LTBP1: variants seen among roughly 807,000 people sequenced by gnomAD.
LTBP1 encodes the protein latent-transforming growth factor beta-binding protein 1.
LTBP1 carries 129 observed loss-of-function variants against 207.6 expected under a neutral mutation model. That is an observed-to-expected ratio of 0.62 (90% CI 0.54 to 0.72). The LOEUF (loss-of-function observed/expected upper bound fraction) is 0.72, where lower values mean the gene tolerates loss of function less well. Among genes scored for constraint, LTBP1 ranks in the 30% least tolerant of loss-of-function variants. LTBP1 has a pLI of 0.00. For missense variants in LTBP1, 2,281 were observed against 2,217.2 expected, an observed-to-expected ratio of 1.03 and a Z score of -0.58; for synonymous variants, 963 against 833.7, an observed-to-expected ratio of 1.16 and a Z score of -2.67.
chr2:33,034,758 A>G (rs2075839162), intron 3 of LTBP1, among the ~76,000 whole-genome samples: 1 of 152,226 alleles, frequency 6.6e-6, no homozygotes, highest in African/African-American at 2.4e-5. Flanking sequence ...CTGGTTAAAA[A>G]TTTGAGGGGC....
chr2:33,139,598 C>T (rs1048131265), intron 5 of LTBP1, among the ~76,000 whole-genome samples: 5 of 152,066 alleles, frequency 3.3e-5, no homozygotes, highest in African/African-American at 4.8e-5. Flanking sequence ...GCCTAGAAAG[C>T]GTGTTGTATC....
At chr2:33,034,228 TAA>T (rs10710968) in intron 3 of LTBP1, among the ~76,000 whole-genome samples, 16,802 of 143,498 alleles carry the variant, frequency 0.12, 1,020 homozygotes, top group African/African-American at 0.14. Context: ...ATTGTTGTTC[TAA>T]AAAAAAAAAA....
At chr2:33,289,160 G>A (rs1377584200) in intron 19 of LTBP1, among the ~76,000 whole-genome samples, 1 of 152,166 alleles carries the variant, frequency 6.6e-6, no homozygotes, top group Admixed American at 6.5e-5. Context: ...CTGTAGATGA[G>A]AAGGATCAAT....
intron 3 of LTBP1, among the ~76,000 whole-genome samples, chr2:33,053,107 G>A (rs2076825597): frequency 6.6e-6 from 1 of 152,178 alleles, no homozygotes; most frequent in Admixed American, 6.5e-5. Context: ...CTGACCTCAA[G>A]TGATCTGCCT....
rs70938398 is a variant in LTBP1, at chr2:33,382,074, C to CTTTTTTTTTTTTTTTTTT, written c.4712-7089_4712-7072dup. ...TACAGCAGTTAGCGCCCTACTGCTT[C>CTTTTTTTTTTTTTTTTTT]TTTTTTTTTTTTTTTTTTTTTTTTT... On this transcript the variant is annotated intron_variant, in intron 31 of 33. Coordinates refer to ENST00000404816, the MANE Select transcript of LTBP1 (RefSeq NM_206943.4). 6.4e-5 allele frequency among the ~76,000 whole-genome samples: 3 copies of CTTTTTTTTTTTTTTTTTT among 46,764 alleles called. 1 individual carries two copies. The highest frequency in any genetic ancestry group is 1.2e-4 in the Non-Finnish European group (3 of 24,958). 30.7% of individuals were successfully genotyped at this position (46,764 alleles called of 152,430 possible).
chr2:33,021,455 A>G lies in LTBP1; in HGVS notation c.863+249A>G, dbSNP rs71446093. Among the ~76,000 whole-genome samples the G allele has an allele frequency of 8.4e-3, 1,280 of 152,346 alleles. 25 individuals are homozygous for G. The highest frequency in any genetic ancestry group is 0.022 in the South Asian group (105 of 4,824). ...ACAACCCATGGCAACCATGAGGATT[A>G]TAGGGATCAAGACTGGAAGGGAATG... On this transcript the variant is annotated intron_variant, in intron 3 of 33. Transcript: ENST00000404816.
chr2:33,391,917 T>C (rs532614769), intron 32 of LTBP1, among the ~76,000 whole-genome samples: 1 of 152,332 alleles, frequency 6.6e-6, no homozygotes, highest in Non-Finnish European at 1.5e-5. Flanking sequence ...TTGGACGATG[T>C]AATGGCCTTT....
intron 5 of LTBP1, among the ~76,000 whole-genome samples, chr2:33,151,871 G>A (rs1287483255): frequency 9.6e-6 from 1 of 104,356 alleles, no homozygotes; most frequent in Non-Finnish European, 2.0e-5. Flanking sequence ...GTGTGTGTGT[G>A]TGTGTGTATC....
At chr2:33,072,282 C>T (rs943784027) in intron 3 of LTBP1, among the ~76,000 whole-genome samples, 1 of 152,162 alleles carries the variant, frequency 6.6e-6, no homozygotes, top group Admixed American at 6.5e-5. Context: ...CGGGATGCAC[C>T]ACCCTCCAGG....
intron 15 of LTBP1, among the ~76,000 whole-genome samples, chr2:33,264,818 TA>T (rs1173169739): frequency 1.3e-5 from 2 of 152,280 alleles, no homozygotes; most frequent in African/African-American, 4.8e-5. Flanking sequence ...TATATCCAGA[TA>T]TGTAGAAAGA....
intron 3 of LTBP1, among the ~76,000 whole-genome samples, chr2:33,022,916 C>G (rs1282398803): frequency 6.6e-6 from 1 of 152,030 alleles, no homozygotes; most frequent in South Asian, 2.1e-4. Flanking sequence ...TTTTCTCAAC[C>G]ATTAAAAAAC....
intron 24 of LTBP1, 23 bp from the exon 25 acceptor site, chr2:33,342,815 G>T: frequency 1.2e-6 from 2 of 1,611,284 alleles, no homozygotes; most frequent in Non-Finnish European, 1.7e-6. Flanking sequence ...TTTTGTGTCT[G>T]ATGTTCCATG....
intron 3 of LTBP1, among the ~76,000 whole-genome samples, chr2:33,094,223 A>G (rs918958978): frequency 1.3e-5 from 2 of 152,198 alleles, no homozygotes; most frequent in Non-Finnish European, 2.9e-5. Context: ...AATTAGCCCA[A>G]TCATGCAAAA....
intron 19 of LTBP1, among the ~76,000 whole-genome samples, chr2:33,290,623 A>T (rs2093755523): frequency 6.6e-6 from 1 of 152,232 alleles, no homozygotes; most frequent in Non-Finnish European, 1.5e-5. Context: ...GAATGAAAGT[A>T]GGTGATTTGA....
chr2:33,280,016 G>C (rs774268034), intron 18 of LTBP1, 23 bp from the exon 19 acceptor site: 2 of 1,612,056 alleles, frequency 1.2e-6, no homozygotes. Context: ...AAATGTTCAC[G>C]ACCTAGGTTT....
chr2:33,023,967 G>A (rs2075296213), intron 3 of LTBP1, among the ~76,000 whole-genome samples: 1 of 152,204 alleles, frequency 6.6e-6, no homozygotes, highest in African/African-American at 2.4e-5. Context: ...GGAGGAGATT[G>A]ATTAAGCCTC....
At chr2:33,191,632 T>G (rs558340510) in intron 7 of LTBP1, among the ~76,000 whole-genome samples, 1 of 152,354 alleles carries the variant, frequency 6.6e-6, no homozygotes, top group East Asian at 1.9e-4. Context: ...CAAAGGATTT[T>G]GAAAACATTT....
intron 9 of LTBP1, 144 bp downstream of exon 9, chr2:33,222,295 A>G: frequency 1.6e-6 from 1 of 634,742 alleles, no homozygotes; most frequent in Non-Finnish European, 2.9e-6. Flanking sequence ...AAGGAAATGT[A>G]AGGAAATAAG....
Position 32,947,597 on chromosome 2 carries a change from C to T in LTBP1, c.273C>T (p.Gly91=). The T allele has an allele frequency of 1.5e-6, 2 of 1,308,422 alleles. No individual in the cohort carries two copies. Among genetic ancestry groups the T allele is most frequent in the Non-Finnish European group, 1.9e-6 (2 of 1,033,116 alleles). The allele number at this position is 1,308,422 out of a possible 1,614,324, so 81.1% of individuals were successfully genotyped here. A position where few individuals can be genotyped will look rare whatever the true frequency, so the allele number is the denominator to read the frequency against. The change falls in exon 1 of 34, where the codon GGC becomes GGT. Residue 91 remains glycine (G), a synonymous_variant. Transcript: ENST00000404816. ...GGACCCGGCGCACGAGCAAGCCGGGCGGCGCGGCCCTGCAGGGGCTCAGAC... is the reference window on the plus strand; with the variant it reads ...GGACCCGGCGCACGAGCAAGCCGGGTGGCGCGGCCCTGCAGGGGCTCAGAC... ...SERTRRTSKP[G]GAALQGLRPP...
Sources: allele counts gnomAD v4.1 joint callset (sites outside exome capture counted in the v4.1 genomes callset), GRCh38; gene constraint gnomAD v4.1.1; transcripts MANE v1.5; gene names NCBI Gene and HGNC (gene_info 2026-07-23, HGNC 2026-07-21).